Variants in GTF2IRD1 observed in about 807,000 individuals in gnomAD.
GTF2IRD1 encodes the protein general transcription factor II-I repeat domain-containing protein 1.
Under a neutral mutation model 113.2 loss-of-function variants are expected in GTF2IRD1, and 26 were observed. The ratio of observed to expected loss-of-function variants is 0.23; its 90% confidence interval spans 0.17 to 0.32. GTF2IRD1 has a LOEUF of 0.32. Ranked by LOEUF, GTF2IRD1 falls within the 10% of genes least tolerant of loss-of-function variation. The pLI is 1.00. For missense variants in GTF2IRD1, 864 were observed against 1,280.8 expected, an observed-to-expected ratio of 0.67 and a Z score of 4.97; for synonymous variants, 484 against 529.1, an observed-to-expected ratio of 0.91 and a Z score of 1.17.
chr7:74,542,307 GA>G (rs1253299260), intron 14 of GTF2IRD1, among the ~76,000 whole-genome samples: 9 of 151,868 alleles, frequency 5.9e-5, no homozygotes, highest in Admixed American at 5.3e-4. Flanking sequence ...ACTGAGGCAG[GA>G]AAACCGCTTG....
intron 3 of GTF2IRD1, 85 bp downstream of exon 3, chr7:74,513,056 T>G: frequency 5.2e-6 from 7 of 1,340,118 alleles, no homozygotes; most frequent in Non-Finnish European, 7.3e-6. Context: ...CCCAACCCTG[T>G]CTAGCCAGGG....
At chr7:74,490,103 A>C (rs1056713035) in intron 1 of GTF2IRD1, among the ~76,000 whole-genome samples, 3 of 152,040 alleles carry the variant, frequency 2.0e-5, no homozygotes, top group Admixed American at 1.3e-4. Flanking sequence ...AGTAGCTGGG[A>C]CAACAGGCAC....
At chr7:74,584,180 G>A (rs1484471314) in intron 22 of GTF2IRD1, among the ~76,000 whole-genome samples, 1 of 152,078 alleles carries the variant, frequency 6.6e-6, no homozygotes, top group African/African-American at 2.4e-5. Context: ...GAGGGCCTGG[G>A]TACGGTGGCT....
chr7:74,480,656 T>G (rs1405714978), intron 1 of GTF2IRD1, among the ~76,000 whole-genome samples: 2 of 152,152 alleles, frequency 1.3e-5, no homozygotes, highest in African/African-American at 4.8e-5. Context: ...GGTGGAAACC[T>G]GAACCGCGGA....
At chr7:74,507,018 T>TCGG (rs1354707983) in intron 1 of GTF2IRD1, 1 of 152,014 alleles carries the variant, frequency 6.6e-6, no homozygotes, top group Non-Finnish European at 1.5e-5. Context: ...CTGGAAGGCC[T>TCGG]CGGCGGGGGT....
intron 24 of GTF2IRD1, 107 bp downstream of exon 24, chr7:74,591,124 A>C: frequency 1.6e-6 from 1 of 606,080 alleles, no homozygotes; most frequent in East Asian, 2.7e-5. Flanking sequence ...GGTGTACTGT[A>C]ATAGTTCCTG....
chr7:74,520,893 G>A (rs1236115715), intron 6 of GTF2IRD1, among the ~76,000 whole-genome samples: 1 of 139,874 alleles, frequency 7.1e-6, no homozygotes, highest in African/African-American at 2.6e-5. Context: ...ATTATAAGGG[G>A]GAAAAAAGCC....
At chr7:74,589,828 GC>G (rs1309226533) in intron 22 of GTF2IRD1, 22 bp from the exon 23 acceptor site, 1 of 1,527,656 alleles carries the variant, frequency 6.5e-7, no homozygotes, top group Middle Eastern at 1.7e-4. Context: ...CAACTCTCAT[GC>G]CCCCTTGTCT....
intron 7 of GTF2IRD1, among the ~76,000 whole-genome samples, chr7:74,523,448 G>A (rs1797407645): frequency 6.6e-6 from 1 of 152,120 alleles, no homozygotes; most frequent in African/African-American, 2.4e-5. Flanking sequence ...GGCCGGACTT[G>A]GTGGCTCACA....
chr7:74,573,513 C>T (rs1196591585), intron 22 of GTF2IRD1, among the ~76,000 whole-genome samples: 2 of 151,962 alleles, frequency 1.3e-5, no homozygotes, highest in Non-Finnish European at 2.9e-5. Context: ...GAAAGCCTCC[C>T]AGAAACCCTT....
intron 1 of GTF2IRD1, among the ~76,000 whole-genome samples, chr7:74,460,158 G>T (rs1210056253): frequency 2.0e-5 from 3 of 152,040 alleles, no homozygotes; most frequent in South Asian, 4.2e-4. Context: ...TGTATTTTTG[G>T]TGGAGATGGG....
At chr7:74,561,924 G>A (rs771965185) in intron 22 of GTF2IRD1, among the ~76,000 whole-genome samples, 1 of 152,176 alleles carries the variant, frequency 6.6e-6, no homozygotes, top group African/African-American at 2.4e-5. Flanking sequence ...AATACTCTGT[G>A]TCCCAGGGCT....
intron 16 of GTF2IRD1, 114 bp downstream of exon 16, chr7:74,545,923 G>C: frequency 1.3e-6 from 1 of 788,316 alleles, no homozygotes; most frequent in Non-Finnish European, 2.3e-6. Flanking sequence ...GCTGTTCTCT[G>C]GGCAGGGACA....
intron 22 of GTF2IRD1, among the ~76,000 whole-genome samples, chr7:74,570,897 C>G (rs1800660055): frequency 6.6e-6 from 1 of 152,156 alleles, no homozygotes; most frequent in Non-Finnish European, 1.5e-5. Context: ...CCCACCAAAT[C>G]CACTTCTCTT....
At chr7:74,455,377 G>A (rs58661300) in intron 1 of GTF2IRD1, among the ~76,000 whole-genome samples, 3,434 of 152,296 alleles carry the variant, frequency 0.023, 136 homozygotes, top group African/African-American at 0.079. Flanking sequence ...CTGGCGCGCC[G>A]CTGCCATGGT....
At chr7:74,584,520 A>G (rs1801606086) in intron 22 of GTF2IRD1, among the ~76,000 whole-genome samples, 1 of 152,218 alleles carries the variant, frequency 6.6e-6, no homozygotes, top group Non-Finnish European at 1.5e-5. Context: ...TGCCTTTTAC[A>G]TAAGATAAAG....
chr7:74,569,319 G>A (rs1389699893), intron 22 of GTF2IRD1, among the ~76,000 whole-genome samples: 1 of 152,202 alleles, frequency 6.6e-6, no homozygotes, highest in Non-Finnish European at 1.5e-5. Context: ...TAGCCTGTGA[G>A]GTGGGTGCTG....
chr7:74,588,529 T>A (rs587621833), intron 22 of GTF2IRD1, among the ~76,000 whole-genome samples: 12 of 152,090 alleles, frequency 7.9e-5, no homozygotes, highest in Admixed American at 7.2e-4. Context: ...ATTTTTTGTT[T>A]GTTTGTTTGT....
intron 22 of GTF2IRD1, among the ~76,000 whole-genome samples, chr7:74,561,179 T>A (rs1283579439): frequency 6.6e-6 from 1 of 151,356 alleles, no homozygotes; most frequent in Admixed American, 6.6e-5. Flanking sequence ...TGAAACCCCA[T>A]GTCTATTTAA....
Sources: gnomAD v4.1 joint callset for allele counts (sites outside exome capture counted in the v4.1 genomes callset) on GRCh38, gnomAD v4.1.1 for gene constraint, MANE v1.5 for transcripts, NCBI Gene and HGNC (gene_info 2026-07-23, HGNC 2026-07-21) for gene names.